Variants in ZNF107 observed in about 807,000 individuals in gnomAD.
The protein encoded by ZNF107 is C2H2 type zinc-finger protein.
In ZNF107, 19 loss-of-function variants were observed where a neutral mutation model predicts 12.3. The ratio of observed to expected loss-of-function variants is 1.55; its 90% CI spans 1.08 to 2.27. The LOEUF (loss-of-function observed/expected upper bound fraction) is 2.27. Ranked by LOEUF, ZNF107 falls within the 30% of genes most tolerant of loss-of-function variation. ZNF107 has a pLI of 0.00. For missense variants in ZNF107, 958 were observed against 979.9 expected, an observed-to-expected ratio of 0.98 and a Z score of 0.30; for synonymous variants, 317 against 330.5, an observed-to-expected ratio of 0.96 and a Z score of 0.44.
In ZNF107 at chr7:64,708,015, A is replaced by G; in HGVS notation, c.1918A>G (p.Lys640Glu). ...CCAGTCCTCAAACCTTACTACACAA[A>G]AGATAATTCATACTGGAGAGAACCT... ...FNQSSNLTTQKIIHTGENLYK... is the reference protein window; with the variant it reads ...FNQSSNLTTQEIIHTGENLYK... Residue 640 changes from lysine to glutamate, a missense_variant, in exon 4 of 4, where the codon AAG (lysine) becomes GAG (glutamate). Transcript: ENST00000620827. The G allele has an allele frequency of 6.2e-7, 1 of 1,613,224 alleles. No individual in the cohort carries two copies. Among genetic ancestry groups the G allele is most frequent in the Non-Finnish European group, 8.5e-7 (1 of 1,179,598 alleles).
At chr7:64,682,790 C>G (rs573573968) in intron 1 of ZNF107, among the ~76,000 whole-genome samples, 2 of 152,246 alleles carry the variant, frequency 1.3e-5, no homozygotes, top group African/African-American at 4.8e-5. Context: ...CACAACTACT[C>G]TCCTCCCATC....
Position 64,709,697 on chromosome 7 carries a change from A to G in ZNF107, c.*1041A>G, listed in dbSNP as rs1276119896. Reference sequence around the variant, plus strand: ...AGCATTTATACTTCAGAAAGATTGTACAAATACAAGGAATGTGGAAAAGCC... The same window carrying G: ...AGCATTTATACTTCAGAAAGATTGTGCAAATACAAGGAATGTGGAAAAGCC... On this transcript the variant is annotated 3_prime_UTR_variant, in exon 4 of 4. Coordinates refer to ENST00000620827, the MANE Select transcript of ZNF107 (RefSeq NM_001282359.2). The G allele has an allele frequency of 4.4e-6, 2 of 455,764 alleles. No homozygotes were observed. The highest frequency in any genetic ancestry group is 2.0e-5 in the African/African-American group (1 of 50,076). 28.2% of individuals were successfully genotyped at this position (455,764 alleles called of 1,614,324 possible). A position where few individuals can be genotyped will look rare whatever the true frequency, so the allele number is the denominator to read the frequency against.
At chr7:64,679,649 G>T (rs1210254549) in intron 1 of ZNF107, among the ~76,000 whole-genome samples, 2 of 152,042 alleles carry the variant, frequency 1.3e-5, no homozygotes, top group Admixed American at 6.5e-5. Flanking sequence ...TTGTCCTTTG[G>T]ACTGTGTCCT....
At chr7:64,685,321 A>T (rs754222391) in intron 1 of ZNF107, among the ~76,000 whole-genome samples, 1 of 152,078 alleles carries the variant, frequency 6.6e-6, no homozygotes, top group South Asian at 2.1e-4. Flanking sequence ...TCAAGCCCCA[A>T]CTGACTGTAT....
At position 64,707,905 on chromosome 7, in the gene ZNF107, A is replaced by C; in HGVS notation, c.1808A>C (p.Lys603Thr). ...TGTGAAGAATTTGGCAAGGCCTTTA[A>C]ACAGTCCTCACACCGTACTATACAT... ...NKCEEFGKAF[K>T]QSSHRTIHKI... is the part of the protein sequence containing the mutation. Residue 603 changes from lysine to threonine, a missense_variant, in exon 4 of 4, where the codon AAA becomes ACA. Physicochemically the swap from Lys to Thr is moderately conservative, Grantham distance 78. Coordinates refer to ENST00000620827, the MANE Select transcript of ZNF107 (RefSeq NM_001282359.2). 6.2e-7 allele frequency: 1 copy of C among 1,613,744 alleles called. No homozygotes were observed. Among genetic ancestry groups the C allele is most frequent in the Non-Finnish European group, 8.5e-7 (1 of 1,179,780 alleles).
chr7:64,691,626 G>C (rs1244684185), intron 2 of ZNF107, among the ~76,000 whole-genome samples: 1 of 152,028 alleles, frequency 6.6e-6, no homozygotes. Flanking sequence ...GAAATTTAGT[G>C]GCATGAAATA....
At chr7:64,678,643 T>C (rs547947329) in intron 1 of ZNF107, among the ~76,000 whole-genome samples, 209 of 152,324 alleles carry the variant, frequency 1.4e-3, no homozygotes, top group Admixed American at 4.4e-3. Context: ...TATTTTAAAA[T>C]CCTACATACA....
chr7:64,709,347 A>G lies in ZNF107; in HGVS notation c.*691A>G, dbSNP rs1790808979. ...AACTGGTCCTCACACCTTGCTACATATAAGACAGTTTATACTTTGAGAGAA... is the reference window on the plus strand; with the variant it reads ...AACTGGTCCTCACACCTTGCTACATGTAAGACAGTTTATACTTTGAGAGAA... On this transcript the variant is annotated 3_prime_UTR_variant, in exon 4 of 4. Coordinates refer to ENST00000620827, the MANE Select transcript of ZNF107 (RefSeq NM_001282359.2). 2.9e-6 allele frequency: 1 copy of G among 346,754 alleles called. No homozygotes were observed. Among genetic ancestry groups the G allele is most frequent in the Non-Finnish European group, 5.6e-6 (1 of 179,268 alleles). 21.5% of individuals were successfully genotyped at this position (346,754 alleles called of 1,614,324 possible). A position where few individuals can be genotyped will look rare whatever the true frequency, so the allele number is the denominator to read the frequency against.
intron 1 of ZNF107, among the ~76,000 whole-genome samples, chr7:64,685,851 C>T (rs978336812): frequency 3.3e-5 from 5 of 152,152 alleles, no homozygotes; most frequent in Admixed American, 3.3e-4. Flanking sequence ...CCCCTGGAAA[C>T]CAAACCTTAC....
chr7:64,696,227 A>G (rs1054940364), intron 3 of ZNF107, among the ~76,000 whole-genome samples: 1 of 152,028 alleles, frequency 6.6e-6, no homozygotes, highest in Non-Finnish European at 1.5e-5. Flanking sequence ...TAATTTTTGT[A>G]TTTTTAGTAG....
chr7:64,666,835 C>A (rs1789024341), intron 1 of ZNF107, among the ~76,000 whole-genome samples: 1 of 152,078 alleles, frequency 6.6e-6, no homozygotes, highest in Non-Finnish European at 1.5e-5. Context: ...GAAGAAAAGA[C>A]TTTTAGAAGG....
At chr7:64,690,006 C>G (rs536686807) in intron 1 of ZNF107, 2 of 152,258 alleles carry the variant, frequency 1.3e-5, no homozygotes, top group Admixed American at 1.3e-4. Context: ...ATAGATAAAG[C>G]AGTCATGGTC....
At chr7:64,684,435 C>T (rs902030079) in intron 1 of ZNF107, 6 of 308,702 alleles carry the variant, frequency 1.9e-5, no homozygotes, top group Non-Finnish European at 2.4e-5. Context: ...CCTTCCTGGT[C>T]GTTTATGGTA....
chr7:64,708,669 G>A lies in ZNF107; in HGVS notation c.*13G>A. On this transcript the variant is annotated 3_prime_UTR_variant, in exon 4 of 4. Coordinates refer to ENST00000620827, the MANE Select transcript of ZNF107 (RefSeq NM_001282359.2). ...TGGCAAAACTTAATTGATCCTACAA[G>A]CTTACTACACATAGGAAAATTCATA... 2 of 1,583,696 alleles carry A rather than the reference G, an allele frequency of 1.3e-6. No homozygotes were observed. The highest frequency in any genetic ancestry group is 1.7e-6 in the Non-Finnish European group (2 of 1,164,124).
chr7:64,670,928 T>C (rs1789197666), intron 1 of ZNF107, among the ~76,000 whole-genome samples: 2 of 152,296 alleles, frequency 1.3e-5, no homozygotes, highest in Admixed American at 1.3e-4. Context: ...GCCCGTATGG[T>C]TTTTGACTGG....
intron 1 of ZNF107, among the ~76,000 whole-genome samples, chr7:64,666,847 G>A (rs1314355014): frequency 1.3e-5 from 2 of 152,180 alleles, no homozygotes; most frequent in Non-Finnish European, 2.9e-5. Context: ...TTTAGAAGGT[G>A]CATGATAAAG....
intron 3 of ZNF107, among the ~76,000 whole-genome samples, chr7:64,694,512 G>T (rs1365596360): frequency 2.0e-5 from 3 of 149,108 alleles, no homozygotes; most frequent in Non-Finnish European, 3.0e-5. Flanking sequence ...CTTTTTTTTT[G>T]TTTTTTTTTG....
intron 1 of ZNF107, chr7:64,684,656 C>CT: frequency 1.0e-6 from 1 of 985,420 alleles, no homozygotes; most frequent in Non-Finnish European, 1.2e-6. Context: ...TTCCTCCACT[C>CT]TATTTGCCAA....
intron 3 of ZNF107, among the ~76,000 whole-genome samples, chr7:64,699,427 T>C (rs185136825): frequency 6.6e-6 from 1 of 152,234 alleles, no homozygotes; most frequent in Non-Finnish European, 1.5e-5. Context: ...TATTTGTTGT[T>C]GTCATTGTTT....
Sources: gnomAD v4.1 joint callset for allele counts (sites outside exome capture counted in the v4.1 genomes callset) on GRCh38, gnomAD v4.1.1 for gene constraint, MANE v1.5 for transcripts, NCBI Gene and HGNC (gene_info 2026-07-23, HGNC 2026-07-21) for gene names.